The following ADIPOR2 variants were observed in gnomAD, a reference collection of about 807,000 sequenced individuals.
The protein encoded by ADIPOR2 is adiponectin receptor protein 2.
A neutral mutation model predicts 40.9 loss-of-function variants in ADIPOR2; 18 were observed. The observed-to-expected ratio is 0.44, with a 90% CI of 0.30 to 0.65. ADIPOR2 has a LOEUF of 0.65. ADIPOR2 is among the 30% of genes least tolerant of loss of function. The probability of loss-of-function intolerance (pLI) is 0.09; values close to 1 mark genes in which losing one functional copy is unlikely to be tolerated. For missense variants in ADIPOR2, 283 were observed against 479.2 expected (o/e 0.59, Z 3.82); for synonymous variants, 165 against 166.4 (o/e 0.99, Z 0.06).
intron 2 of ADIPOR2, among the ~76,000 whole-genome samples, chr12:1,761,399 A>G (rs1033636479): frequency 6.6e-6 from 1 of 152,172 alleles, no homozygotes; most frequent in Admixed American, 6.5e-5. Context: ...TTTCTGGGTT[A>G]TATGTTAACT....
At chr12:1,740,001 CT>C (rs1167850142) in intron 1 of ADIPOR2, among the ~76,000 whole-genome samples, 1 of 152,042 alleles carries the variant, frequency 6.6e-6, no homozygotes, top group Non-Finnish European at 1.5e-5. Context: ...ACTCAGAAGG[CT>C]GAGGCAGGAG....
At chr12:1,777,783 G>T in intron 3 of ADIPOR2, 71 bp from the exon 4 acceptor site, 1 of 1,432,374 alleles carries the variant, frequency 7.0e-7, no homozygotes. Context: ...ATAAGACACA[G>T]TTGTTAGGGG....
chr12:1,741,046 G>A (rs1039425586), intron 1 of ADIPOR2, among the ~76,000 whole-genome samples: 16 of 152,120 alleles, frequency 1.1e-4, no homozygotes, highest in African/African-American at 3.6e-4. Flanking sequence ...TATGGAAAAG[G>A]TTCAAAAGAA....
At chr12:1,701,971 C>T (rs1323516318) in intron 1 of ADIPOR2, among the ~76,000 whole-genome samples, 3 of 152,004 alleles carry the variant, frequency 2.0e-5, no homozygotes, top group African/African-American at 4.8e-5. Context: ...AAAATACAAA[C>T]ATTAGCTGGG....
chr12:1,729,120 C>T (rs933055279), intron 1 of ADIPOR2, among the ~76,000 whole-genome samples: 2 of 152,076 alleles, frequency 1.3e-5, no homozygotes, highest in Non-Finnish European at 2.9e-5. Context: ...AGATCATCAT[C>T]ATAGGTAAAG....
intron 2 of ADIPOR2, among the ~76,000 whole-genome samples, chr12:1,767,143 C>T (rs1046343827): frequency 6.6e-6 from 1 of 151,838 alleles, no homozygotes; most frequent in Admixed American, 6.6e-5. Context: ...TGGTGGCAGG[C>T]GCCTATAATC....
intron 1 of ADIPOR2, among the ~76,000 whole-genome samples, chr12:1,747,710 T>C (rs11835505): frequency 3.9e-5 from 6 of 152,024 alleles, no homozygotes; most frequent in Non-Finnish European, 1.5e-5. Context: ...ACAGGTTTTT[T>C]TTTTCTTTTA....
intron 1 of ADIPOR2, among the ~76,000 whole-genome samples, chr12:1,713,630 G>T (rs2094681924): frequency 6.6e-6 from 1 of 152,076 alleles, no homozygotes; most frequent in Non-Finnish European, 1.5e-5. Flanking sequence ...CCATATTCAT[G>T]TAGATAATAG....
intron 1 of ADIPOR2, among the ~76,000 whole-genome samples, chr12:1,710,445 C>T (rs779046610): frequency 4.6e-5 from 7 of 152,192 alleles, no homozygotes; most frequent in South Asian, 2.1e-4. Flanking sequence ...GTGACCCAGA[C>T]GGGACCATTG....
intron 1 of ADIPOR2, among the ~76,000 whole-genome samples, chr12:1,746,668 A>G (rs2094755709): frequency 6.6e-6 from 1 of 152,218 alleles, no homozygotes; most frequent in Non-Finnish European, 1.5e-5. Context: ...CTAAAATAAT[A>G]ACTGGAGACT....
intron 1 of ADIPOR2, among the ~76,000 whole-genome samples, chr12:1,746,846 T>C (rs1565646736): frequency 6.6e-6 from 1 of 152,124 alleles, no homozygotes; most frequent in Non-Finnish European, 1.5e-5. Flanking sequence ...CTTGGATAAA[T>C]AGTGAGACCT....
chr12:1,758,109 TG>T, intron 2 of ADIPOR2: 1 of 552,328 alleles, frequency 1.8e-6, no homozygotes, highest in South Asian at 2.2e-5. Flanking sequence ...GATTTTTTTA[TG>T]TGTTGTAATA....
chr12:1,708,189 T>G (rs916577527), intron 1 of ADIPOR2, among the ~76,000 whole-genome samples: 5 of 151,582 alleles, frequency 3.3e-5, no homozygotes, highest in African/African-American at 9.7e-5. Flanking sequence ...AATATGGGTT[T>G]TTTTTTTTTT....
chr12:1,726,417 C>T (rs767393702), intron 1 of ADIPOR2, among the ~76,000 whole-genome samples: 3 of 152,126 alleles, frequency 2.0e-5, no homozygotes, highest in Non-Finnish European at 4.4e-5. Flanking sequence ...AGGCTAGTCT[C>T]GAACTCCTGC....
chr12:1,740,176 T>G (rs774158919), intron 1 of ADIPOR2, among the ~76,000 whole-genome samples: 9 of 152,218 alleles, frequency 5.9e-5, no homozygotes, highest in Non-Finnish European at 8.8e-5. Flanking sequence ...ATGGTAAACT[T>G]TTAGATGTAA....
chr12:1,757,931 A>C, intron 2 of ADIPOR2: 1 of 962,836 alleles, frequency 1.0e-6, no homozygotes, highest in African/African-American at 1.6e-5. Context: ...GACGAGGAGC[A>C]AACACACCGG....
intron 1 of ADIPOR2, among the ~76,000 whole-genome samples, chr12:1,693,141 G>C (rs764027952): frequency 1.2e-4 from 19 of 152,110 alleles, no homozygotes; most frequent in Non-Finnish European, 2.4e-4. Flanking sequence ...GACAACAAGA[G>C]CGAAACTCCG....
chr12:1,716,990 A>G (rs963183727), intron 1 of ADIPOR2, among the ~76,000 whole-genome samples: 4 of 152,256 alleles, frequency 2.6e-5, no homozygotes, highest in African/African-American at 7.2e-5. Context: ...GTAAACCTTA[A>G]TAAGCAGGCA....
At chr12:1,713,342 A>G (rs2094681323) in intron 1 of ADIPOR2, among the ~76,000 whole-genome samples, 1 of 152,178 alleles carries the variant, frequency 6.6e-6, no homozygotes, top group South Asian at 2.1e-4. Context: ...ACTAGTCTCC[A>G]CTGACTGGTT....
Sources: allele counts gnomAD v4.1 joint callset (sites outside exome capture counted in the v4.1 genomes callset), GRCh38; gene constraint gnomAD v4.1.1; transcripts MANE v1.5; gene names NCBI Gene and HGNC (gene_info 2026-07-23, HGNC 2026-07-21).